The following KLHL1 variants were observed in gnomAD, a reference collection of about 807,000 sequenced individuals.
KLHL1 encodes kelch like family member 1.
A neutral mutation model predicts 77.7 loss-of-function variants in KLHL1; 47 were observed. The observed-to-expected ratio is 0.60, with a 90% confidence interval of 0.48 to 0.77. The LOEUF is 0.77. Ranked by LOEUF, KLHL1 falls within the 30% of genes least tolerant of loss-of-function variation. The pLI is 0.00. For synonymous variants in KLHL1, 360 were observed against 325.2 expected, an observed-to-expected ratio of 1.11 and a Z score of -1.15; for missense variants, 925 against 910.8, an observed-to-expected ratio of 1.02 and a Z score of -0.20.
rs957585501 is a variant in KLHL1, at chr13:69,958,108, G to T, written c.817+3200C>A. On this transcript the variant is annotated intron_variant, in intron 3 of 10. Coordinates refer to ENST00000377844, the MANE Select transcript of KLHL1 (RefSeq NM_020866.3). Reference sequence around the variant, plus strand: ...TTCTTTTGTCACAAAGACATTACTGGGTTTTTACTCTGTTGTACATATTGC... The same window carrying T: ...TTCTTTTGTCACAAAGACATTACTGTGTTTTTACTCTGTTGTACATATTGC... Among the ~76,000 whole-genome samples, 3 of 151,416 alleles carry T rather than the reference G, an allele frequency of 2.0e-5. No individual in the cohort carries two copies. The Admixed American group carries it at 2.0e-4, about 10-fold the overall frequency.
intron 6 of KLHL1, among the ~76,000 whole-genome samples, chr13:69,808,378 A>G (rs1290973365): frequency 2.6e-5 from 4 of 152,136 alleles, no homozygotes; most frequent in African/African-American, 9.7e-5. Context: ...TTACATCACC[A>G]GACAAAATTA....
chr13:70,049,462 C>A (rs1886579841), intron 1 of KLHL1, among the ~76,000 whole-genome samples: 1 of 152,156 alleles, frequency 6.6e-6, no homozygotes, highest in African/African-American at 2.4e-5. Flanking sequence ...GAAAAAACAT[C>A]AGCATGCTTC....
chr13:69,700,602 A>G lies in KLHL1; in HGVS notation c.*1100T>C, dbSNP rs1875346066. On this transcript the variant is annotated 3_prime_UTR_variant, in exon 11 of 11. Transcript: ENST00000377844. ...ATTAAAAATACACTGATAAATGCAA[A>G]TTTTTTGATCATTTATTAATTGTAA... 1 of 152,358 alleles carries G rather than the reference A, an allele frequency of 6.6e-6. No homozygotes were observed. Among genetic ancestry groups the G allele is most frequent in the South Asian group, 2.1e-4 (1 of 4,828 alleles). 9.4% of individuals were successfully genotyped at this position (152,358 alleles called of 1,614,324 possible). A position where few individuals can be genotyped will look rare whatever the true frequency, so the allele number is the denominator to read the frequency against.
intron 1 of KLHL1, among the ~76,000 whole-genome samples, chr13:70,044,488 T>G (rs577337332): frequency 7.4e-4 from 113 of 152,288 alleles, no homozygotes; most frequent in Admixed American, 6.5e-4. Context: ...TAAACAAGTT[T>G]ACATGAAAAA....
intron 5 of KLHL1, among the ~76,000 whole-genome samples, chr13:69,874,332 T>C (rs774262885): frequency 6.6e-6 from 1 of 152,130 alleles, no homozygotes; most frequent in Non-Finnish European, 1.5e-5. Flanking sequence ...TATCATGTTA[T>C]GTTATGTATT....
At chr13:70,017,532 C>T (rs966948907) in intron 1 of KLHL1, among the ~76,000 whole-genome samples, 2 of 152,224 alleles carry the variant, frequency 1.3e-5, no homozygotes, top group Non-Finnish European at 2.9e-5. Flanking sequence ...CACTCATCCA[C>T]ACACCCCTCA....
chr13:69,740,590 A>G, intron 7 of KLHL1, 34 bp from the exon 8 acceptor site: 1 of 1,497,534 alleles, frequency 6.7e-7, no homozygotes, highest in Non-Finnish European at 9.2e-7. Flanking sequence ...TAGTGCCTAT[A>G]GTTAATATCA....
chr13:69,958,463 A>G (rs1227023630), intron 3 of KLHL1, among the ~76,000 whole-genome samples: 44 of 147,862 alleles, frequency 3.0e-4, no homozygotes, highest in African/African-American at 1.1e-3. Flanking sequence ...TATAAACTAT[A>G]ATCATTGAAG....
rs372032677 is a variant in KLHL1 at position 69,839,043 on chromosome 13, C to T, written c.1347G>A (p.Pro449=). 32 of 1,610,994 alleles carry T rather than the reference C, an allele frequency of 2.0e-5. No individual in the cohort carries two copies. Among genetic ancestry groups the T allele is most frequent in the African/African-American group, 1.3e-4 (10 of 74,764 alleles). The change falls in exon 6 of 11, where the codon CCG becomes CCA. Residue 449 remains proline (P), a synonymous_variant. Transcript: ENST00000377844. The part of the protein sequence containing the change: ...LPERRTLMQS[P]RTKPRKSTVG... ...CTGTAGATTTTCTGGGTTTAGTTCTCGGACTTTGCATTAAAGTTCTTCTTT... is the reference window on the plus strand; with the variant it reads ...CTGTAGATTTTCTGGGTTTAGTTCTTGGACTTTGCATTAAAGTTCTTCTTT...
intron 4 of KLHL1, among the ~76,000 whole-genome samples, chr13:69,926,108 T>C (rs1027753337): frequency 1.3e-5 from 2 of 152,162 alleles, no homozygotes; most frequent in African/African-American, 2.4e-5. Flanking sequence ...ACGTTTCTAG[T>C]TTTTTATTAT....
At chr13:69,994,126 C>T (rs1885091710) in intron 1 of KLHL1, among the ~76,000 whole-genome samples, 1 of 152,032 alleles carries the variant, frequency 6.6e-6, no homozygotes, top group Non-Finnish European at 1.5e-5. Flanking sequence ...CTTTTATGAC[C>T]TAAAATATCT....
rs1302944584 is a variant in KLHL1 at position 69,780,737 on chromosome 13, TATATATAC to T, written c.1639+15993_1639+16000del. Among the ~76,000 whole-genome samples the T allele has an allele frequency of 8.7e-3, 553 of 63,708 alleles. 12 individuals are homozygous for T. The highest frequency in any genetic ancestry group is 0.031 in the African/African-American group (515 of 16,384). The allele number at this position is 63,708 out of a possible 152,430, so 41.8% of individuals were successfully genotyped here. The stretch of plus-strand genomic sequence containing the variant: ...ATATGTATATATATATATATACATA[TATATATAC>T]ATATATATATATACACACACATTTA... On this transcript the variant is annotated intron_variant, in intron 7 of 10. Transcript: ENST00000377844.
intron 3 of KLHL1, among the ~76,000 whole-genome samples, chr13:69,960,364 T>A (rs555633188): frequency 6.6e-6 from 1 of 152,162 alleles, no homozygotes; most frequent in Admixed American, 6.6e-5. Flanking sequence ...TTTCTTCGTC[T>A]CACACCAGTA....
intron 1 of KLHL1, among the ~76,000 whole-genome samples, chr13:70,100,254 C>T (rs1286183450): frequency 1.3e-5 from 2 of 151,890 alleles, no homozygotes; most frequent in African/African-American, 4.8e-5. Flanking sequence ...CATCTTTTCT[C>T]ATTTTTATTA....
chr13:70,008,523 T>C (rs1885458210), intron 1 of KLHL1, among the ~76,000 whole-genome samples: 2 of 152,088 alleles, frequency 1.3e-5, no homozygotes, highest in Non-Finnish European at 2.9e-5. Context: ...TTTTTAACCA[T>C]TTGATATATA....
At chr13:69,854,259 GTTGAGGACTTCAGGCTGTTTCTACTCA>G (rs548042062) in intron 5 of KLHL1, among the ~76,000 whole-genome samples, 56 of 152,182 alleles carry the variant, frequency 3.7e-4, no homozygotes, top group Admixed American at 1.9e-3. Context: ...ATCTGCTTAT[GTTGAGGACTTCAGGCTGTTTCTACTCA>G]TTGAGGAAGA....
chr13:69,987,794 A>C (rs1884913710), intron 1 of KLHL1, among the ~76,000 whole-genome samples: 1 of 152,078 alleles, frequency 6.6e-6, no homozygotes, highest in Admixed American at 6.6e-5. Context: ...TATGGGCAAT[A>C]TACACATAGA....
intron 4 of KLHL1, among the ~76,000 whole-genome samples, chr13:69,927,372 A>G (rs1171416760): frequency 6.6e-6 from 1 of 152,182 alleles, no homozygotes; most frequent in Non-Finnish European, 1.5e-5. Flanking sequence ...GTAACACCAA[A>G]AGCACAAGCA....
intron 8 of KLHL1, among the ~76,000 whole-genome samples, chr13:69,738,622 G>C (rs1425723566): frequency 6.6e-6 from 1 of 151,888 alleles, no homozygotes; most frequent in Non-Finnish European, 1.5e-5. Context: ...ATCAGTAGCT[G>C]GATAAGCCAA....
Sources: allele counts gnomAD v4.1 joint callset (sites outside exome capture counted in the v4.1 genomes callset), GRCh38; gene constraint gnomAD v4.1.1; transcripts MANE v1.5; gene names NCBI Gene and HGNC (gene_info 2026-07-23, HGNC 2026-07-21).